EXD1: variants seen among roughly 807,000 people sequenced by gnomAD.
EXD1 encodes exonuclease 3'-5' domain containing 1, also known as piRNA biogenesis protein EXD1.
EXD1 carries 63 observed loss-of-function variants against 49.1 expected under a neutral mutation model. The observed-to-expected ratio is 1.28, with a 90% confidence interval of 1.05 to 1.58. EXD1 has a LOEUF of 1.58. Among genes scored for constraint, EXD1 ranks in the 40% most tolerant of loss-of-function variants. The probability of loss-of-function intolerance (pLI) is 0.00; values close to 1 mark genes in which losing one functional copy is unlikely to be tolerated. For synonymous variants in EXD1, 234 were observed against 239.2 expected (o/e 0.98, Z 0.20); for missense variants, 748 against 666.0 (o/e 1.12, Z -1.36).
chr15:41,209,553 A>G lies in EXD1; in HGVS notation c.482T>C (p.Val161Ala). 2 of 1,614,212 alleles carry G rather than the reference A, an allele frequency of 1.2e-6. No homozygotes were observed. Among genetic ancestry groups the G allele is most frequent in the South Asian group, 2.2e-5 (2 of 91,090 alleles). The change falls in exon 7 of 12, where the codon GTG (valine) becomes GCG (alanine). Residue 161 changes from valine to alanine, a missense_variant. By Grantham distance (64) the Val-to-Ala change is moderately conservative (BLOSUM62 0). Transcript: ENST00000458580. The stretch of plus-strand genomic sequence containing the variant: ...ACATACATTCGCTCCTTCTGCTGCC[A>G]CACTCAGGACATTCTGCTTCTTGAT... ...LHIKKQNVLS[V>A]AAEGANVCRH... is the part of the protein sequence containing the mutation.
intron 10 of EXD1, chr15:41,190,337 G>A (rs1368102660): frequency 1.7e-5 from 8 of 476,954 alleles, no homozygotes; most frequent in Non-Finnish European, 3.1e-5. Flanking sequence ...GCTGGGCATG[G>A]TGGCACGCGC....
chr15:41,191,582 C>T lies in EXD1; in HGVS notation c.724G>A (p.Ala242Thr). The stretch of plus-strand genomic sequence containing the variant: ...TCCATGGAAAACTGAAGTACATCTG[C>T]TACCTGTGGTATTTTAAAAAGACAA... ...LLNNVFDTQV[A>T]DVLQFSMETG... The change falls in exon 10 of 12, where the codon GCA becomes ACA. Residue 242 changes from alanine (A) to threonine (T), a missense_variant. Ala to Thr is a moderately conservative substitution (Grantham distance 58). Transcript: ENST00000458580. The T allele has an allele frequency of 6.2e-7, 1 of 1,613,758 alleles. No homozygotes were observed. The highest frequency in any genetic ancestry group is 8.5e-7 in the Non-Finnish European group (1 of 1,179,896).
chr15:41,213,768 G>A (rs2046958043), intron 6 of EXD1, among the ~76,000 whole-genome samples: 1 of 152,044 alleles, frequency 6.6e-6, no homozygotes, highest in Admixed American at 6.6e-5. Flanking sequence ...TAAGGGGTGT[G>A]GGGTTTCTTT....
Position 41,195,841 on chromosome 15 carries a change from A to ACAAT in EXD1, c.650_653dup (p.Cys218Ter), listed in dbSNP as rs1489505533. 1 of 1,613,556 alleles carries ACAAT rather than the reference A, an allele frequency of 6.2e-7. No individual in the cohort carries two copies. The highest frequency in any genetic ancestry group is 8.5e-7 in the Non-Finnish European group (1 of 1,179,940). On this transcript the variant is annotated stop_gained and frameshift_variant, in exon 9 of 12. Transcript: ENST00000458580. LOFTEE classifies it high-confidence loss of function. ...GAGAGAGGCAATCAGAAAGCCAACGACAATCATGGATAACCTAAGGAATCA... is the reference window on the plus strand; with the variant it reads ...GAGAGAGGCAATCAGAAAGCCAACGACAATCAATCATGGATAACCTAAGGAATCA...
At chr15:41,192,090 C>T in intron 9 of EXD1, 1 of 153,996 alleles carries the variant, frequency 6.5e-6, no homozygotes, top group Non-Finnish European at 1.4e-5. Context: ...TTCACCCTCC[C>T]TTAGGCAACC....
At chr15:41,224,782 C>T (rs553113711) in intron 2 of EXD1, among the ~76,000 whole-genome samples, 36 of 151,902 alleles carry the variant, frequency 2.4e-4, no homozygotes, top group Middle Eastern at 6.8e-3. Context: ...CAGGGAGACC[C>T]CATTTCTACA....
chr15:41,207,102 G>A (rs185808193), intron 7 of EXD1, among the ~76,000 whole-genome samples: 2 of 150,442 alleles, frequency 1.3e-5, no homozygotes, highest in African/African-American at 4.9e-5. Context: ...TTACCCGAGC[G>A]TGGTGGCGGG....
At chr15:41,199,059 G>C (rs898202969) in intron 7 of EXD1, among the ~76,000 whole-genome samples, 1 of 147,560 alleles carries the variant, frequency 6.8e-6, no homozygotes, top group African/African-American at 2.5e-5. Context: ...TGCCTCCTGG[G>C]AGCAATTCTC....
At chr15:41,191,347 T>C (rs1048651243) in intron 10 of EXD1, 95 bp downstream of exon 10, 32 of 1,164,852 alleles carry the variant, frequency 2.7e-5, no homozygotes, top group Non-Finnish European at 3.9e-5. Context: ...TATGATAACA[T>C]GGCAGCTGTC....
At position 41,216,796 on chromosome 15, in the gene EXD1, C is replaced by A; in HGVS notation, c.261-1G>T. 1 of 1,612,210 alleles carries A rather than the reference C, an allele frequency of 6.2e-7. No homozygotes were observed. The highest frequency in any genetic ancestry group is 8.5e-7 in the Non-Finnish European group (1 of 1,179,684). On this transcript the variant is annotated splice_acceptor_variant, in intron 4 of 11. Coordinates refer to ENST00000458580, the MANE Select transcript of EXD1 (RefSeq NM_001286441.2). LOFTEE classifies it high-confidence loss of function. ...CATCCAGGTTCTTTCTGCATGTAGA[C>A]TATCCTTACAAGAAACAATATTTGG...
At chr15:41,223,051 A>G (rs909472450) in intron 2 of EXD1, among the ~76,000 whole-genome samples, 19 of 149,930 alleles carry the variant, frequency 1.3e-4, no homozygotes, top group Non-Finnish European at 2.4e-4. Flanking sequence ...CCTGGGCTTA[A>G]GTGATCCACC....
At chr15:41,221,767 T>C (rs964755499) in intron 2 of EXD1, among the ~76,000 whole-genome samples, 28 of 151,900 alleles carry the variant, frequency 1.8e-4, no homozygotes, top group Admixed American at 1.8e-3. Context: ...TTCTCCAGCA[T>C]GGACTATTCT....
In EXD1 at chr15:41,183,758, T is replaced by C. The variant is rs114644953; in HGVS notation, c.*173A>G. ...TATACTTCTTCCATTATTTAACTTA[T>C]TCATTCTCATTCTCCGCATACCAGG... On this transcript the variant is annotated 3_prime_UTR_variant, in exon 12 of 12. Transcript: ENST00000458580. 1.8e-6 allele frequency: 1 copy of C among 552,912 alleles called. No homozygotes were observed. Among genetic ancestry groups the C allele is most frequent in the African/African-American group, 1.9e-5 (1 of 52,240 alleles). The allele number at this position is 552,912 out of a possible 1,614,324, so 34.3% of individuals were successfully genotyped here.
chr15:41,218,039 A>G (rs2047027863), intron 3 of EXD1, among the ~76,000 whole-genome samples: 1 of 152,214 alleles, frequency 6.6e-6, no homozygotes, highest in African/African-American at 2.4e-5. Context: ...CCACAGGACA[A>G]AGACAGAAAT....
At chr15:41,198,184 T>C (rs1362334959) in intron 7 of EXD1, among the ~76,000 whole-genome samples, 1 of 152,092 alleles carries the variant, frequency 6.6e-6, no homozygotes, top group Non-Finnish European at 1.5e-5. Flanking sequence ...TTTTGTGTAT[T>C]AATGGGATGA....
At chr15:41,189,853 G>A (rs911259162) in intron 11 of EXD1, 84 bp downstream of exon 11, 16 of 1,363,378 alleles carry the variant, frequency 1.2e-5, no homozygotes, top group South Asian at 3.8e-5. Flanking sequence ...GAAAACTATC[G>A]CAGCTATGAA....
chr15:41,216,750 G>A lies in EXD1; in HGVS notation c.306C>T (p.Asp102=). The change falls in exon 5 of 12, where the codon GAC becomes GAT. Residue 102 remains aspartate, a synonymous_variant. Coordinates refer to ENST00000458580, the MANE Select transcript of EXD1 (RefSeq NM_001286441.2). ...RTWMEKMKVE[D]LNVCEPASPA... ...GAGAAGCAGGCTCACATACATTTAG[G>A]TCTTCAACTTTCATTTTCTCCATCC... is the stretch of plus-strand genomic sequence containing the variant. The A allele has an allele frequency of 1.2e-6, 2 of 1,613,872 alleles. No homozygotes were observed.
chr15:41,216,910 C>T, intron 4 of EXD1, 115 bp from the exon 5 acceptor site: 1 of 1,447,802 alleles, frequency 6.9e-7, no homozygotes, highest in Non-Finnish European at 9.4e-7. Context: ...CTAGAGGACC[C>T]ATTCATCCAC....
At position 41,203,696 on chromosome 15, in the gene EXD1, C is replaced by T. The variant is rs1335670418; in HGVS notation, c.534+5805G>A. On this transcript the variant is annotated intron_variant, in intron 7 of 11. Transcript: ENST00000458580. Reference sequence around the variant, plus strand: ...CTTTGAGAGACCGAGGTGGGTGGATCACTTGAGTTCAGGAGTTCGACACCA... The same window carrying T: ...CTTTGAGAGACCGAGGTGGGTGGATTACTTGAGTTCAGGAGTTCGACACCA... 3.3e-5 allele frequency among the ~76,000 whole-genome samples: 5 copies of T among 151,638 alleles called. No individual in the cohort carries two copies. The South Asian group carries it at 1.0e-3, about 32-fold the overall frequency.
Sources: allele counts gnomAD v4.1 joint callset (sites outside exome capture counted in the v4.1 genomes callset), GRCh38; gene constraint gnomAD v4.1.1; transcripts MANE v1.5; gene names NCBI Gene and HGNC (gene_info 2026-07-23, HGNC 2026-07-21).